The following C10orf67 variants were observed in gnomAD, a reference collection of about 807,000 sequenced individuals.
C10orf67 encodes uncharacterized protein C10orf67, mitochondrial.
A neutral mutation model predicts 35.6 loss-of-function variants in C10orf67; 60 were observed. The observed-to-expected ratio is 1.68, with a 90% CI of 1.37 to 2.09. The LOEUF (loss-of-function observed/expected upper bound fraction) is 2.09, where lower values mean the gene tolerates loss of function less well. C10orf67 is among the 30% of genes most tolerant of loss of function. C10orf67 has a pLI of 0.00. For missense variants in C10orf67, 474 were observed against 330.2 expected (o/e 1.44, Z -3.38); for synonymous variants, 167 against 115.8 (o/e 1.44, Z -2.84).
At chr10:23,226,007 A>G (rs1182189862) in intron 13 of C10orf67, among the ~76,000 whole-genome samples, 4 of 152,112 alleles carry the variant, frequency 2.6e-5, no homozygotes, top group Non-Finnish European at 4.4e-5. Context: ...TTAACACCCC[A>G]CTGTCAACAT....
At chr10:23,292,719 A>T in intron 5 of C10orf67, among the ~76,000 whole-genome samples, 1 of 146,082 alleles carries the variant, frequency 6.8e-6, no homozygotes, top group East Asian at 2.0e-4. Context: ...TACGTATGGT[A>T]TATATATGTG....
chr10:23,217,283 C>T (rs748269640), intron 15 of C10orf67, among the ~76,000 whole-genome samples: 11 of 151,976 alleles, frequency 7.2e-5, no homozygotes, highest in Non-Finnish European at 1.6e-4. Context: ...CGGTTTATTC[C>T]CACAATTTCT....
intron 12 of C10orf67, among the ~76,000 whole-genome samples, chr10:23,243,045 AC>A (rs1842223469): frequency 6.6e-6 from 1 of 152,192 alleles, no homozygotes; most frequent in African/African-American, 2.4e-5. Flanking sequence ...AAAAAAATAC[AC>A]CATGCACTCT....
chr10:23,243,253 T>C (rs1842228692), intron 12 of C10orf67, among the ~76,000 whole-genome samples: 1 of 152,180 alleles, frequency 6.6e-6, no homozygotes, highest in Admixed American at 6.5e-5. Flanking sequence ...ATAATCATGG[T>C]AGAAAATTTA....
intron 1 of C10orf67, among the ~76,000 whole-genome samples, chr10:23,342,532 C>T (rs1297044899): frequency 6.6e-6 from 1 of 152,052 alleles, no homozygotes. Context: ...AAAGAGCACC[C>T]GGCACCATCG....
At chr10:23,221,176 T>C (rs1841570450) in intron 15 of C10orf67, among the ~76,000 whole-genome samples, 1 of 152,056 alleles carries the variant, frequency 6.6e-6, no homozygotes, top group Non-Finnish European at 1.5e-5. Flanking sequence ...TCAGGAAACT[T>C]ACAATCATGG....
intron 13 of C10orf67, among the ~76,000 whole-genome samples, chr10:23,231,260 T>A (rs1400800975): frequency 6.6e-6 from 1 of 152,204 alleles, no homozygotes; most frequent in Non-Finnish European, 1.5e-5. Flanking sequence ...GTTCTAGGTC[T>A]AGGATCAGAC....
At chr10:23,257,975 GAGAC>G (rs1326971368) in intron 10 of C10orf67, among the ~76,000 whole-genome samples, 2 of 152,126 alleles carry the variant, frequency 1.3e-5, no homozygotes, top group Admixed American at 6.5e-5. Context: ...AGTCTCATAA[GAGAC>G]AGGTTATTTC....
intron 13 of C10orf67, among the ~76,000 whole-genome samples, chr10:23,226,232 A>G (rs1588589831): frequency 1.3e-5 from 2 of 152,220 alleles, no homozygotes; most frequent in Admixed American, 1.3e-4. Flanking sequence ...AAATTATAAC[A>G]AACTGTCTCT....
chr10:23,210,159 G>A (rs1156293463), intron 15 of C10orf67, among the ~76,000 whole-genome samples: 2 of 152,120 alleles, frequency 1.3e-5, no homozygotes, highest in African/African-American at 4.8e-5. Context: ...AAGCCAGGAG[G>A]AAAGTGGAGG....
At chr10:23,316,415 G>C (rs1025653246) in intron 4 of C10orf67, among the ~76,000 whole-genome samples, 1 of 152,206 alleles carries the variant, frequency 6.6e-6, no homozygotes, top group African/African-American at 2.4e-5. Context: ...TCCTAGGTCT[G>C]GGCGCCCCCA....
intron 3 of C10orf67, 85 bp from the exon 4 acceptor site, chr10:23,320,900 A>T (rs768209883): frequency 1.3e-5 from 11 of 860,624 alleles, no homozygotes; most frequent in Non-Finnish European, 2.0e-5. Flanking sequence ...CATAGTAAAA[A>T]AACATCATCT....
intron 5 of C10orf67, among the ~76,000 whole-genome samples, chr10:23,293,949 A>G (rs969764550): frequency 6.6e-6 from 1 of 152,244 alleles, no homozygotes; most frequent in African/African-American, 2.4e-5. Context: ...CAGAGTCTGC[A>G]TCTAACGAGA....
rs566262292 is a variant in C10orf67 at position 23,227,836 on chromosome 10, T to C, written c.1435-4018A>G. On this transcript the variant is annotated intron_variant, in intron 13 of 15. Transcript: ENST00000636213. ...CCAATCATGAGTGAACTCCCATTCATAATTGCTTCAAAGAGAATAAAATAC... is the reference window on the plus strand; with the variant it reads ...CCAATCATGAGTGAACTCCCATTCACAATTGCTTCAAAGAGAATAAAATAC... Among the ~76,000 whole-genome samples, 443 of 152,182 alleles carry C rather than the reference T, an allele frequency of 2.9e-3. 4 individuals carry two copies. Among genetic ancestry groups the C allele is most frequent in the African/African-American group, 0.01 (421 of 41,544 alleles).
At chr10:23,343,139 G>A (rs926981577) in intron 1 of C10orf67, among the ~76,000 whole-genome samples, 4 of 152,164 alleles carry the variant, frequency 2.6e-5, no homozygotes, top group Non-Finnish European at 4.4e-5. Context: ...AATGACATCG[G>A]CAAACACTTC....
At chr10:23,290,209 A>G (rs1038083991) in intron 6 of C10orf67, among the ~76,000 whole-genome samples, 1 of 152,200 alleles carries the variant, frequency 6.6e-6, no homozygotes, top group Non-Finnish European at 1.5e-5. Context: ...GCTTTTCATC[A>G]ATACTAGCGA....
At chr10:23,246,856 A>T (rs1420080043) in intron 12 of C10orf67, among the ~76,000 whole-genome samples, 1 of 152,160 alleles carries the variant, frequency 6.6e-6, no homozygotes. Flanking sequence ...ACAGGGTCTC[A>T]CTCTGTCACC....
intron 1 of C10orf67, among the ~76,000 whole-genome samples, chr10:23,338,779 C>T (rs1479938500): frequency 3.9e-5 from 6 of 151,968 alleles, no homozygotes; most frequent in East Asian, 1.9e-4. Flanking sequence ...GAGGCCGAGG[C>T]GGGAAGATCA....
intron 4 of C10orf67, chr10:23,318,852 C>T (rs1844837012): frequency 2.6e-6 from 2 of 771,020 alleles, no homozygotes; most frequent in Admixed American, 1.7e-5. Flanking sequence ...GACCCCTCTG[C>T]TTCTTATCTT....
Sources: allele counts gnomAD v4.1 joint callset (sites outside exome capture counted in the v4.1 genomes callset), GRCh38; gene constraint gnomAD v4.1.1; transcripts MANE v1.5; gene names NCBI Gene and HGNC (gene_info 2026-07-23, HGNC 2026-07-21).